CLEC16A: variants seen among roughly 807,000 people sequenced by gnomAD.
CLEC16A encodes C-type lectin domain containing 16A.
In CLEC16A, 51 loss-of-function variants were observed where a neutral mutation model predicts 109.5. The observed-to-expected ratio is 0.47, with a 90% confidence interval of 0.37 to 0.59. CLEC16A has a LOEUF of 0.59. Ranked by LOEUF, CLEC16A falls within the 20% of genes least tolerant of loss-of-function variation. CLEC16A has a pLI of 0.00. For synonymous variants in CLEC16A, 673 were observed against 564.2 expected (o/e 1.19, Z -2.73); for missense variants, 1,339 against 1,394.0 (o/e 0.96, Z 0.63).
At chr16:10,973,315 G>A (rs943961143) in intron 7 of CLEC16A, among the ~76,000 whole-genome samples, 7 of 152,190 alleles carry the variant, frequency 4.6e-5, no homozygotes, top group African/African-American at 1.7e-4. Flanking sequence ...TACGCAGCTG[G>A]TGAGAAGGTC....
At chr16:11,119,875 C>G (rs2052270684) in intron 19 of CLEC16A, among the ~76,000 whole-genome samples, 1 of 152,158 alleles carries the variant, frequency 6.6e-6, no homozygotes, top group Admixed American at 6.5e-5. Flanking sequence ...TTCTTCTGAT[C>G]CATGAGCGTT....
At chr16:10,969,075 A>G (rs2042654396) in intron 3 of CLEC16A, 86 bp from the exon 4 acceptor site, 2 of 1,122,180 alleles carry the variant, frequency 1.8e-6, no homozygotes, top group Non-Finnish European at 2.6e-6. Context: ...ACCTGATTCA[A>G]GTACATTAAC....
chr16:11,122,714 C>T (rs960976566), intron 20 of CLEC16A, among the ~76,000 whole-genome samples: 2 of 152,038 alleles, frequency 1.3e-5, no homozygotes, highest in African/African-American at 4.8e-5. Flanking sequence ...GTGTTCATTC[C>T]CTCTCAGGCT....
At chr16:11,155,789 C>T (rs957428630) in intron 22 of CLEC16A, among the ~76,000 whole-genome samples, 1 of 152,222 alleles carries the variant, frequency 6.6e-6, no homozygotes, top group Non-Finnish European at 1.5e-5. Context: ...TTAACTACCC[C>T]ACCCTGCAAA....
In CLEC16A at chr16:10,950,289, G is replaced by A. The variant is rs1035556780; in HGVS notation, c.80+5492G>A. Among the ~76,000 whole-genome samples, 6 of 152,250 alleles carry A rather than the reference G, an allele frequency of 3.9e-5. No individual in the cohort carries two copies. In the South Asian group the frequency reaches 1.2e-3, roughly 32 times the overall value. The stretch of plus-strand genomic sequence containing the variant: ...TGTATGGCTTGTTCAGCTGGGTACT[G>A]GTATGCCAGCACAGGACGTGGCAGA... On this transcript the variant is annotated intron_variant, in intron 1 of 23. Coordinates refer to ENST00000409790, the MANE Select transcript of CLEC16A (RefSeq NM_015226.3).
chr16:10,974,098 C>T (rs549048432), intron 7 of CLEC16A, among the ~76,000 whole-genome samples: 300 of 151,572 alleles, frequency 2.0e-3, no homozygotes, highest in African/African-American at 6.9e-3. Context: ...AGGGTTTCAC[C>T]GTGTTGGCTA....
At chr16:11,035,478 C>A (rs1001563704) in intron 13 of CLEC16A, among the ~76,000 whole-genome samples, 2 of 150,618 alleles carry the variant, frequency 1.3e-5, no homozygotes, top group Non-Finnish European at 3.0e-5. Context: ...AGAGCGTTAA[C>A]CAGCGGGGAT....
At chr16:11,150,776 G>C (rs2153078886) in intron 22 of CLEC16A, among the ~76,000 whole-genome samples, 1 of 152,270 alleles carries the variant, frequency 6.6e-6, no homozygotes, top group African/African-American at 2.4e-5. Context: ...GCAAAATCAA[G>C]GTATTGGCAG....
chr16:11,092,361 A>AACACACACACACACACACACACACACAC (rs3030566), intron 19 of CLEC16A, among the ~76,000 whole-genome samples: 7 of 132,436 alleles, frequency 5.3e-5, no homozygotes, highest in South Asian at 2.8e-4. Flanking sequence ...AACAAAAACA[A>AACACACACACACACACACACACACACAC]ACACACACAC....
At chr16:11,043,020 A>G (rs1418888283) in intron 15 of CLEC16A, among the ~76,000 whole-genome samples, 3 of 151,834 alleles carry the variant, frequency 2.0e-5, no homozygotes, top group Non-Finnish European at 4.4e-5. Flanking sequence ...TGAAACATCT[A>G]TTTACATATG....
intron 15 of CLEC16A, 47 bp downstream of exon 15, chr16:11,042,410 C>A (rs1359249679): frequency 7.2e-7 from 1 of 1,390,920 alleles, no homozygotes; most frequent in Non-Finnish European, 9.9e-7. Flanking sequence ...GGGAGAGGGA[C>A]AGGAGGACAG....
intron 3 of CLEC16A, among the ~76,000 whole-genome samples, chr16:10,967,806 G>A (rs985193361): frequency 1.3e-5 from 2 of 152,200 alleles, no homozygotes; most frequent in Non-Finnish European, 2.9e-5. Context: ...TGGCAGGGGC[G>A]AGATGTGGAC....
chr16:11,021,376 T>C (rs1300495176), intron 12 of CLEC16A, among the ~76,000 whole-genome samples: 1 of 152,156 alleles, frequency 6.6e-6, no homozygotes, highest in Admixed American at 6.5e-5. Context: ...CTCTGAAAAA[T>C]AAGTAATTCT....
At chr16:11,157,434 C>G (rs2054575765) in intron 22 of CLEC16A, among the ~76,000 whole-genome samples, 1 of 152,142 alleles carries the variant, frequency 6.6e-6, no homozygotes. Flanking sequence ...CTTCATTGCC[C>G]CGAAAGCACA....
intron 19 of CLEC16A, among the ~76,000 whole-genome samples, chr16:11,088,721 A>G (rs1226995598): frequency 1.3e-5 from 2 of 152,220 alleles, no homozygotes; most frequent in East Asian, 1.9e-4. Context: ...TGCCAGATCA[A>G]AACCTTAGCA....
rs1224297293 is a variant in CLEC16A at position 11,003,223 on chromosome 16, C to T, written c.1221C>T (p.Thr407=). Reference sequence around the variant, plus strand: ...AAGAAGATGAGGAGAAAGGGCCCACCGAGGATGCCCAAGAAGACGCCGAGA... The same window carrying T: ...AAGAAGATGAGGAGAAAGGGCCCACTGAGGATGCCCAAGAAGACGCCGAGA... The part of the protein sequence containing the change: ...GEEEDEEKGP[T]EDAQEDAEKA... The change falls in exon 11 of 24, where the codon ACC becomes ACT. Residue 407 remains threonine (T), a synonymous_variant. Coordinates refer to ENST00000409790, the MANE Select transcript of CLEC16A (RefSeq NM_015226.3). 1.2e-6 allele frequency: 2 copies of T among 1,613,196 alleles called. No homozygotes were observed. The highest frequency in any genetic ancestry group is 2.2e-5 in the East Asian group (1 of 44,890).
At chr16:10,995,875 G>A (rs949734433) in intron 10 of CLEC16A, among the ~76,000 whole-genome samples, 2 of 152,232 alleles carry the variant, frequency 1.3e-5, no homozygotes, top group Non-Finnish European at 2.9e-5. Flanking sequence ...AGAGCTGTTT[G>A]AGGAAGCATC....
rs748925258 is a variant in CLEC16A at position 11,020,314 on chromosome 16, G to T, written c.1425G>T (p.Thr475=). The change falls in exon 12 of 24, where the codon ACG becomes ACT. Residue 475 remains threonine, a synonymous_variant. Coordinates refer to ENST00000409790, the MANE Select transcript of CLEC16A (RefSeq NM_015226.3). ...CCGCCGCCACCTGCTCTGAGAGCAC[G>T]CAATGGAGCAGGTAGCTGCCCGAGA... is the stretch of plus-strand genomic sequence containing the variant. The part of the protein sequence containing the change: ...KSAAATCSES[T]QWSRPFLDMV... 1 of 1,610,410 alleles carries T rather than the reference G, an allele frequency of 6.2e-7. No homozygotes were observed.
intron 17 of CLEC16A, among the ~76,000 whole-genome samples, chr16:11,050,721 TTCC>T (rs2152879132): frequency 6.6e-6 from 1 of 152,320 alleles, no homozygotes; most frequent in East Asian, 1.9e-4. Flanking sequence ...GCATGCGCCT[TTCC>T]TCCTCTGAGC....
Sources: allele counts gnomAD v4.1 joint callset (sites outside exome capture counted in the v4.1 genomes callset), GRCh38; gene constraint gnomAD v4.1.1; transcripts MANE v1.5; gene names NCBI Gene and HGNC (gene_info 2026-07-23, HGNC 2026-07-21).